The following TGFBR3 variants were observed in gnomAD, a reference collection of about 807,000 sequenced individuals.
TGFBR3 encodes the protein transforming growth factor beta receptor type 3.
Under a neutral mutation model 87.9 loss-of-function variants are expected in TGFBR3, and 46 were observed. That is an observed-to-expected ratio of 0.52 (90% CI 0.41 to 0.67). The LOEUF is 0.67. Ranked by LOEUF, TGFBR3 falls within the 30% of genes least tolerant of loss-of-function variation. The probability of loss-of-function intolerance (pLI) is 0.00; values close to 1 mark genes in which losing one functional copy is unlikely to be tolerated. For missense variants in TGFBR3, 866 were observed against 1,041.9 expected (o/e 0.83, Z 2.32); for synonymous variants, 381 against 391.6 (o/e 0.97, Z 0.32).
intron 7 of TGFBR3, among the ~76,000 whole-genome samples, chr1:91,726,185 T>C (rs1175361645): frequency 1.9e-4 from 29 of 152,156 alleles, no homozygotes; most frequent in Non-Finnish European, 7.3e-5. Flanking sequence ...AGGACTGCCA[T>C]GGACCAGGCA....
chr1:91,903,386 T>G (rs1424819190), intron 1 of TGFBR3, among the ~76,000 whole-genome samples: 1 of 145,232 alleles, frequency 6.9e-6, no homozygotes, highest in East Asian at 2.0e-4. Context: ...TGGACCTCTG[T>G]CTCATAAGAG....
At chr1:91,893,539 T>C (rs951294487) in intron 2 of TGFBR3, among the ~76,000 whole-genome samples, 2 of 152,166 alleles carry the variant, frequency 1.3e-5, no homozygotes, top group African/African-American at 4.8e-5. Context: ...CATCTCGGCC[T>C]CAAAGTGCTG....
chr1:91,759,781 A>T lies in TGFBR3; in HGVS notation c.247-1031T>A, dbSNP rs1295998839. Among the ~76,000 whole-genome samples, 3 of 152,330 alleles carry T rather than the reference A, an allele frequency of 2.0e-5. No individual in the cohort carries two copies. In the East Asian group the frequency reaches 5.8e-4, roughly 29 times the overall value. ...AAGGACTTAGGCTAGAAAGACACAG[A>T]CTGAATGATGCACTGGGAATAATAG... On this transcript the variant is annotated intron_variant, in intron 3 of 16. Coordinates refer to ENST00000212355, the MANE Select transcript of TGFBR3 (RefSeq NM_003243.5).
intron 2 of TGFBR3, among the ~76,000 whole-genome samples, chr1:91,816,584 C>A (rs1389882427): frequency 2.0e-5 from 3 of 152,178 alleles, no homozygotes; most frequent in African/African-American, 7.2e-5. Context: ...AAGTGTACCA[C>A]CTATTTCAGC....
intron 2 of TGFBR3, among the ~76,000 whole-genome samples, chr1:91,808,623 AC>A (rs1038928930): frequency 6.6e-5 from 10 of 151,822 alleles, no homozygotes; most frequent in Non-Finnish European, 1.5e-4. Flanking sequence ...GCACCACCAC[AC>A]CCGGCTAATT....
chr1:91,832,153 C>T (rs940341795), intron 2 of TGFBR3, among the ~76,000 whole-genome samples: 3 of 152,162 alleles, frequency 2.0e-5, no homozygotes, highest in African/African-American at 7.2e-5. Flanking sequence ...CATGTTCTAA[C>T]TAGTCAGCTC....
intron 8 of TGFBR3, among the ~76,000 whole-genome samples, 174 bp downstream of exon 8, chr1:91,721,781 C>T (rs1261702559): frequency 6.6e-6 from 1 of 152,170 alleles, no homozygotes; most frequent in Non-Finnish European, 1.5e-5. Context: ...ATCTGTATTA[C>T]AGTTTCCTCA....
intron 2 of TGFBR3, among the ~76,000 whole-genome samples, chr1:91,809,659 A>G (rs1039583960): frequency 9.2e-5 from 14 of 152,252 alleles, no homozygotes; most frequent in African/African-American, 2.9e-4. Flanking sequence ...GAGTTTATAC[A>G]TAATCAGGGC....
At chr1:91,791,695 A>G (rs1218642399) in intron 3 of TGFBR3, among the ~76,000 whole-genome samples, 1 of 152,182 alleles carries the variant, frequency 6.6e-6, no homozygotes, top group Non-Finnish European at 1.5e-5. Context: ...TGCAGCTTGC[A>G]CTGTAGAATC....
chr1:91,793,380 G>C (rs1675262059), intron 3 of TGFBR3, among the ~76,000 whole-genome samples: 1 of 152,104 alleles, frequency 6.6e-6, no homozygotes, highest in African/African-American at 2.4e-5. Context: ...TCACATTTAA[G>C]GATGACATCA....
At chr1:91,825,270 G>A (rs1676591555) in intron 2 of TGFBR3, among the ~76,000 whole-genome samples, 1 of 152,210 alleles carries the variant, frequency 6.6e-6, no homozygotes, top group African/African-American at 2.4e-5. Flanking sequence ...ATTTTTTAAT[G>A]TGGTATATAC....
chr1:91,712,183 C>T (rs528216123), intron 13 of TGFBR3, 60 bp downstream of exon 13: 103 of 1,534,282 alleles, frequency 6.7e-5, no homozygotes, highest in Non-Finnish European at 8.4e-5. Flanking sequence ...TGGGATTAAA[C>T]TTTTCTGCCT....
intron 1 of TGFBR3, among the ~76,000 whole-genome samples, chr1:91,872,401 A>G (rs17880479): frequency 0.011 from 1,618 of 152,312 alleles, 12 homozygotes; most frequent in Non-Finnish European, 0.016. Flanking sequence ...ACAACCCCTT[A>G]TCTTGAGAAG....
At chr1:91,784,652 G>A (rs1189711356) in intron 3 of TGFBR3, among the ~76,000 whole-genome samples, 1 of 152,194 alleles carries the variant, frequency 6.6e-6, no homozygotes, top group Non-Finnish European at 1.5e-5. Context: ...CTTCCAAAGT[G>A]GCAAGAATTG....
intron 8 of TGFBR3, among the ~76,000 whole-genome samples, chr1:91,721,513 T>C (rs897762723): frequency 2.0e-5 from 3 of 152,216 alleles, no homozygotes; most frequent in African/African-American, 7.2e-5. Flanking sequence ...GTTGACCCTC[T>C]GCTTTCCACC....
At chr1:91,727,927 T>C in intron 6 of TGFBR3, 121 bp from the exon 7 acceptor site, 3 of 1,193,602 alleles carry the variant, frequency 2.5e-6, no homozygotes, top group South Asian at 1.3e-5. Context: ...CTGGAGTTGA[T>C]CCCAGGCCAA....
At chr1:91,836,855 A>G (rs931674472) in intron 2 of TGFBR3, among the ~76,000 whole-genome samples, 1 of 152,192 alleles carries the variant, frequency 6.6e-6, no homozygotes, top group Non-Finnish European at 1.5e-5. Flanking sequence ...TTTCTGCTAA[A>G]TATCAGAGAT....
At chr1:91,692,537 T>C (rs983397041) in intron 16 of TGFBR3, among the ~76,000 whole-genome samples, 2 of 152,336 alleles carry the variant, frequency 1.3e-5, no homozygotes, top group East Asian at 1.9e-4. Context: ...AGATTTTGCA[T>C]GTGACTTTAG....
rs981370771 is a variant in TGFBR3, at chr1:91,815,040, G to A, written c.62-17569C>T. 3.4e-4 allele frequency among the ~76,000 whole-genome samples: 52 copies of A among 152,234 alleles called. 1 individual carries two copies. The highest frequency in any genetic ancestry group is 2.1e-4 in the Non-Finnish European group (14 of 68,010). On this transcript the variant is annotated intron_variant, in intron 2 of 16. Transcript: ENST00000212355. Reference sequence around the variant, plus strand: ...TTTGAGGCCAGGCACAGTGGCTCACGCCTGTAATCCCAACACTTTGGGAGG... The same window carrying A: ...TTTGAGGCCAGGCACAGTGGCTCACACCTGTAATCCCAACACTTTGGGAGG...
Sources: gnomAD v4.1 joint callset for allele counts (sites outside exome capture counted in the v4.1 genomes callset) on GRCh38, gnomAD v4.1.1 for gene constraint, MANE v1.5 for transcripts, NCBI Gene and HGNC (gene_info 2026-07-23, HGNC 2026-07-21) for gene names.